The following RAD51B variants were observed in gnomAD, a reference collection of about 807,000 sequenced individuals.
RAD51B encodes the protein RAD51 paralog B.
RAD51B carries 38 observed loss-of-function variants against 42.2 expected under a neutral mutation model. The ratio of observed to expected loss-of-function variants is 0.90; its 90% CI spans 0.70 to 1.18. The LOEUF (loss-of-function observed/expected upper bound fraction) is 1.18. RAD51B is among the 50% of genes most tolerant of loss of function. The probability of loss-of-function intolerance (pLI) is 0.00; values close to 1 mark genes in which losing one functional copy is unlikely to be tolerated. For synonymous variants in RAD51B, 154 were observed against 145.2 expected, an observed-to-expected ratio of 1.06 and a Z score of -0.43; for missense variants, 373 against 400.7, an observed-to-expected ratio of 0.93 and a Z score of 0.59.
At chr14:68,112,542 T>G (rs1165832290) in intron 7 of RAD51B, among the ~76,000 whole-genome samples, 1 of 152,130 alleles carries the variant, frequency 6.6e-6, no homozygotes, top group Non-Finnish European at 1.5e-5. Flanking sequence ...CTTAGCAAAT[T>G]TTAATTTTTA....
chr14:68,168,398 G>A (rs546266725), intron 7 of RAD51B, among the ~76,000 whole-genome samples: 9 of 152,104 alleles, frequency 5.9e-5, no homozygotes, highest in Middle Eastern at 3.4e-3. Context: ...CAGTTTTCTC[G>A]TTTACCAACG....
chr14:68,203,139 C>T (rs765640743), intron 7 of RAD51B, among the ~76,000 whole-genome samples: 1 of 152,124 alleles, frequency 6.6e-6, no homozygotes, highest in African/African-American at 2.4e-5. Flanking sequence ...TTTTCCAGAA[C>T]GTTCCCAATT....
rs925543333 is a variant in RAD51B, at chr14:68,300,000, T to C, written c.853+8020T>C. 8.5e-5 allele frequency among the ~76,000 whole-genome samples: 13 copies of C among 152,204 alleles called. No homozygotes were observed. In the East Asian group the frequency reaches 1.2e-3, roughly 14 times the overall value. ...CATTCAGCCATAACAGTAAAGAAGA[T>C]GGCCAGTACACCTATCCTTTCAGCA... is the stretch of plus-strand genomic sequence containing the variant. On this transcript the variant is annotated intron_variant, in intron 8 of 10. Coordinates refer to ENST00000471583, the MANE Select transcript of RAD51B (RefSeq NM_133510.4).
intron 10 of RAD51B, among the ~76,000 whole-genome samples, chr14:68,643,143 T>C (rs954493590): frequency 6.6e-6 from 1 of 152,242 alleles, no homozygotes; most frequent in African/African-American, 2.4e-5. Context: ...CATCTGTTTC[T>C]CCTTGAAGTT....
At chr14:68,678,662 T>C (rs1893363235) in intron 11 of RAD51B, among the ~76,000 whole-genome samples, 1 of 151,998 alleles carries the variant, frequency 6.6e-6, no homozygotes, top group East Asian at 1.9e-4. Context: ...ATGGGTCTTG[T>C]TCCAAGGCAG....
chr14:68,255,697 C>G (rs753900679), intron 7 of RAD51B, among the ~76,000 whole-genome samples: 6 of 152,204 alleles, frequency 3.9e-5, no homozygotes, highest in Non-Finnish European at 8.8e-5. Context: ...ATACCATGAT[C>G]TCACCTATCT....
At chr14:68,349,665 T>C (rs1050869312) in intron 8 of RAD51B, among the ~76,000 whole-genome samples, 2 of 152,242 alleles carry the variant, frequency 1.3e-5, no homozygotes, top group Middle Eastern at 3.4e-3. Context: ...CATGCCTGGC[T>C]TCCCTACTTT....
chr14:68,000,971 A>C (rs1424774554), intron 7 of RAD51B, among the ~76,000 whole-genome samples: 2 of 152,142 alleles, frequency 1.3e-5, no homozygotes, highest in Non-Finnish European at 2.9e-5. Context: ...ATAATATTGA[A>C]TCTTTTCATT....
intron 9 of RAD51B, among the ~76,000 whole-genome samples, chr14:68,414,956 C>T (rs1007885112): frequency 1.5e-5 from 2 of 135,874 alleles, no homozygotes; most frequent in African/African-American, 5.5e-5. Flanking sequence ...CACTTGAACC[C>T]AGGAGGCAAA....
intron 7 of RAD51B, among the ~76,000 whole-genome samples, chr14:68,040,383 T>C (rs965944282): frequency 1.3e-5 from 2 of 152,262 alleles, no homozygotes; most frequent in Admixed American, 6.5e-5. Context: ...TTGTAATTTT[T>C]TAAATTAACT....
chr14:67,864,952 T>C, intron 4 of RAD51B, 51 bp from the exon 5 acceptor site: 1 of 1,375,296 alleles, frequency 7.3e-7, no homozygotes, highest in Non-Finnish European at 9.4e-7. Flanking sequence ...GTGATGTTTA[T>C]CTAAAAAACT....
chr14:68,465,951 AAAAT>A (rs201431600), intron 9 of RAD51B, among the ~76,000 whole-genome samples: 15,512 of 90,444 alleles, frequency 0.17, 1,834 homozygotes, highest in African/African-American at 0.37. Flanking sequence ...AAAAAAAAAA[AAAAT>A]AAATAAATAA....
intron 9 of RAD51B, among the ~76,000 whole-genome samples, chr14:68,424,076 T>C (rs4902581): frequency 0.79 from 119,924 of 152,086 alleles, 48,029 homozygotes; most frequent in East Asian, 0.97. Context: ...ACAGTGGGGA[T>C]GGACCTGTGC....
At chr14:68,144,083 A>G (rs2078200377) in intron 7 of RAD51B, among the ~76,000 whole-genome samples, 1 of 151,988 alleles carries the variant, frequency 6.6e-6, no homozygotes, top group Non-Finnish European at 1.5e-5. Flanking sequence ...CTAATGAGAG[A>G]ACTTAAGATG....
At chr14:68,623,577 G>A (rs1442281785) in intron 10 of RAD51B, among the ~76,000 whole-genome samples, 1 of 152,196 alleles carries the variant, frequency 6.6e-6, no homozygotes, top group Non-Finnish European at 1.5e-5. Context: ...AAAGAGGAAG[G>A]GGTGCCTTTT....
rs1234108497 is a variant in RAD51B at position 68,310,949 on chromosome 14, C to T, written c.853+18969C>T. Among the ~76,000 whole-genome samples, 7 of 152,274 alleles carry T rather than the reference C, an allele frequency of 4.6e-5. 1 individual carries two copies. In the East Asian group the frequency reaches 5.8e-4, roughly 13 times the overall value. On this transcript the variant is annotated intron_variant, in intron 8 of 10. Transcript: ENST00000471583. ...CTCTTAACTCCTCATCTCCCATTTT[C>T]CCAACCCCACACACCTCATCTTTGC...
At chr14:68,298,118 G>A (rs2081649107) in intron 8 of RAD51B, among the ~76,000 whole-genome samples, 1 of 152,134 alleles carries the variant, frequency 6.6e-6, no homozygotes, top group Non-Finnish European at 1.5e-5. Context: ...TGAAAGGCCT[G>A]ATTTATAGAA....
rs1452599923 is a variant in RAD51B, at chr14:68,316,081, C to G, written c.853+24101C>G. Among the ~76,000 whole-genome samples, 6 of 152,270 alleles carry G rather than the reference C, an allele frequency of 3.9e-5. No homozygotes were observed. The South Asian group carries it at 8.3e-4, about 21-fold the overall frequency. On this transcript the variant is annotated intron_variant, in intron 8 of 10. Transcript: ENST00000471583. ...CATTGAGACAGTTTAGGTATTGATG[C>G]TATATTCACCATCTATAAAATGGGA...
chr14:67,923,674 G>A (rs2044408502), intron 7 of RAD51B, among the ~76,000 whole-genome samples: 1 of 152,134 alleles, frequency 6.6e-6, no homozygotes, highest in Admixed American at 6.5e-5. Context: ...ATTGCAAATT[G>A]TGCTGCTGTA....
Sources: allele counts gnomAD v4.1 joint callset (sites outside exome capture counted in the v4.1 genomes callset), GRCh38; gene constraint gnomAD v4.1.1; transcripts MANE v1.5; gene names NCBI Gene and HGNC (gene_info 2026-07-23, HGNC 2026-07-21).